The following OPRM1 variants were observed in gnomAD, a reference collection of about 807,000 sequenced individuals.
OPRM1 encodes the protein mu-type opioid receptor.
OPRM1 carries 27 observed loss-of-function variants against 31.8 expected under a neutral mutation model. The observed-to-expected ratio is 0.85, with a 90% CI of 0.63 to 1.17. The LOEUF (loss-of-function observed/expected upper bound fraction) is 1.17, where lower values mean the gene tolerates loss of function less well. Ranked by LOEUF, OPRM1 falls within the 50% of genes most tolerant of loss-of-function variation. The pLI is 0.00. For missense variants in OPRM1, 536 were observed against 511.1 expected, an observed-to-expected ratio of 1.05 and a Z score of -0.47; for synonymous variants, 196 against 189.9, an observed-to-expected ratio of 1.03 and a Z score of -0.26.
rs893245057 is a variant in OPRM1, at chr6:154,061,331, G to A, written c.290+21497G>A. Among the ~76,000 whole-genome samples, 11 of 152,192 alleles carry A rather than the reference G, an allele frequency of 7.2e-5. No homozygotes were observed. In the South Asian group the frequency reaches 8.3e-4, roughly 11 times the overall value. ...TCCTCTCAACACTGCCATGTTACCC[G>A]CACTGCGCTGTAACATCTAACACAC... On this transcript the variant is annotated intron_variant, in intron 1 of 3. Coordinates refer to ENST00000330432, the MANE Select transcript of OPRM1 (RefSeq NM_000914.5).
At chr6:154,164,073 A>G (rs1195071391) in intron 3 of OPRM1, among the ~76,000 whole-genome samples, 2 of 152,214 alleles carry the variant, frequency 1.3e-5, no homozygotes, top group Non-Finnish European at 2.9e-5. Context: ...ATATCACCAT[A>G]CTGCTATTAA....
chr6:154,069,531 C>T (rs1371222552), intron 1 of OPRM1, among the ~76,000 whole-genome samples: 1 of 152,194 alleles, frequency 6.6e-6, no homozygotes, highest in Non-Finnish European at 1.5e-5. Flanking sequence ...GCCACCGCGC[C>T]GAGCCCTGGC....
At chr6:154,226,496 T>C (rs1413772417) in intron 3 of OPRM1, among the ~76,000 whole-genome samples, 2 of 152,136 alleles carry the variant, frequency 1.3e-5, no homozygotes, top group African/African-American at 4.8e-5. Context: ...TCCATTCCCT[T>C]CTCGGTGCCC....
intron 3 of OPRM1, among the ~76,000 whole-genome samples, chr6:154,204,413 G>A (rs1431742887): frequency 6.6e-6 from 1 of 152,064 alleles, no homozygotes; most frequent in Non-Finnish European, 1.5e-5. Context: ...AGGAAGAAAA[G>A]TACACAGCTT....
chr6:154,230,557 G>A (rs921199298), intron 3 of OPRM1, among the ~76,000 whole-genome samples: 7 of 152,142 alleles, frequency 4.6e-5, no homozygotes, highest in Admixed American at 6.5e-5. Flanking sequence ...AAAAGCAGAA[G>A]GGCTGACCAG....
chr6:154,100,205 TATC>T (rs1237896726), intron 3 of OPRM1, among the ~76,000 whole-genome samples: 2 of 121,450 alleles, frequency 1.6e-5, no homozygotes, highest in African/African-American at 3.0e-5. Flanking sequence ...TAATATATAT[TATC>T]ATATTATGAC....
chr6:154,185,747 A>C lies in OPRM1; in HGVS notation c.1165-60946A>C, dbSNP rs113548565. ...AACTGTCTTGGGCTACACATAAAAT[A>C]CACTAACAATAGCTGAAACAAAAGC... On this transcript the variant is annotated intron_variant, in intron 3 of 3. Transcript: ENST00000337049. 6.2e-3 allele frequency among the ~76,000 whole-genome samples: 945 copies of C among 152,352 alleles called. 11 individuals carry two copies. The highest frequency in any genetic ancestry group is 0.021 in the African/African-American group (860 of 41,570).
intron 3 of OPRM1, among the ~76,000 whole-genome samples, chr6:154,213,996 G>A (rs566642285): frequency 7.9e-5 from 12 of 152,316 alleles, no homozygotes; most frequent in African/African-American, 2.6e-4. Flanking sequence ...CGGAGTGTGG[G>A]TGAAGTGTGA....
At chr6:154,096,311 C>T (rs1402080049) in intron 3 of OPRM1, among the ~76,000 whole-genome samples, 1 of 152,174 alleles carries the variant, frequency 6.6e-6, no homozygotes, top group Non-Finnish European at 1.5e-5. Flanking sequence ...CCGCCCACCT[C>T]AGCCTCCCAA....
Position 154,168,213 on chromosome 6 carries a change from C to T in OPRM1, c.1164+76741C>T, listed in dbSNP as rs958289183. 1.2e-5 allele frequency: 10 copies of T among 813,112 alleles called. No individual in the cohort carries two copies. The highest frequency in any genetic ancestry group is 2.5e-5 in the Admixed American group (1 of 40,180). The allele number at this position is 813,112 out of a possible 1,614,324, so 50.4% of individuals were successfully genotyped here. A position where few individuals can be genotyped will look rare whatever the true frequency, so the allele number is the denominator to read the frequency against. ...GTCCCAAGGCACGGCCCCACTGGCA[C>T]CCTCATCTCAGACTTCTCTCCGGAA... On this transcript the variant is annotated intron_variant, in intron 3 of 3. Transcript: ENST00000337049. The surrounding 1 kb of genome is among the most constrained non-coding windows in gnomAD (Gnocchi z 4.1).
chr6:154,076,730 C>A (rs1787957615), intron 1 of OPRM1, among the ~76,000 whole-genome samples: 2 of 152,188 alleles, frequency 1.3e-5, no homozygotes, highest in Non-Finnish European at 2.9e-5. Flanking sequence ...AACTACAAAT[C>A]TCAAATGAGC....
chr6:154,078,028 A>G (rs919564469), intron 1 of OPRM1, among the ~76,000 whole-genome samples: 9 of 152,200 alleles, frequency 5.9e-5, no homozygotes, highest in Admixed American at 4.6e-4. Flanking sequence ...TATAGACTTC[A>G]TGATAATCTT....
At chr6:154,219,391 G>A (rs1262630700) in intron 3 of OPRM1, among the ~76,000 whole-genome samples, 1 of 152,144 alleles carries the variant, frequency 6.6e-6, no homozygotes, top group East Asian at 1.9e-4. Context: ...ATGGAAGCTG[G>A]AGCTACAAGG....
intron 3 of OPRM1, among the ~76,000 whole-genome samples, chr6:154,174,784 A>T (rs1800178080): frequency 6.6e-6 from 1 of 152,194 alleles, no homozygotes; most frequent in South Asian, 2.1e-4. Flanking sequence ...ATTAACAAGG[A>T]TATCCAGGAC....
At chr6:154,063,846 G>A (rs998198750) in intron 1 of OPRM1, among the ~76,000 whole-genome samples, 13 of 152,082 alleles carry the variant, frequency 8.5e-5, no homozygotes, top group South Asian at 2.1e-4. Context: ...TCCTTTTGAA[G>A]GATGAATAAC....
intron 3 of OPRM1, among the ~76,000 whole-genome samples, chr6:154,110,979 G>C (rs2128517793): frequency 6.6e-6 from 1 of 151,116 alleles, no homozygotes; most frequent in African/African-American, 2.4e-5. Context: ...GCTTCTGTTA[G>C]TGGACAATAA....
chr6:154,141,857 G>A (rs750480038), intron 3 of OPRM1, among the ~76,000 whole-genome samples: 4 of 139,820 alleles, frequency 2.9e-5, no homozygotes, highest in Non-Finnish European at 4.8e-5. Flanking sequence ...AGCAGTTCCC[G>A]GCTTGAATTT....
intron 1 of OPRM1, among the ~76,000 whole-genome samples, chr6:154,059,874 C>T (rs944950024): frequency 2.0e-5 from 3 of 152,242 alleles, no homozygotes; most frequent in Admixed American, 6.5e-5. Context: ...TTCAAAGAAA[C>T]TTGAAATTCC....
Position 154,028,080 on chromosome 6 carries a change from A to G in OPRM1, c.1-11081A>G, listed in dbSNP as rs1778801933. Reference sequence around the variant, plus strand: ...TACCCCATAGTCACCATGGCTGGGAACCTGCTGAGTCTCACTTGAAGCCAT... The same window carrying G: ...TACCCCATAGTCACCATGGCTGGGAGCCTGCTGAGTCTCACTTGAAGCCAT... On this transcript the variant is annotated intron_variant, in intron 1 of 5. Transcript: ENST00000434900. 2.0e-5 allele frequency among the ~76,000 whole-genome samples: 3 copies of G among 152,158 alleles called. 1 individual carries two copies. In the South Asian group the frequency reaches 6.2e-4, roughly 32 times the overall value.
Sources: gnomAD v4.1 joint callset for allele counts (sites outside exome capture counted in the v4.1 genomes callset) on GRCh38, gnomAD v4.1.1 for gene constraint, Gnocchi (gnomAD v3.1) non-coding constraint, MANE v1.5 for transcripts, NCBI Gene and HGNC (gene_info 2026-07-23, HGNC 2026-07-21) for gene names.